Variants in SLC22A23 observed in about 807,000 individuals in gnomAD.
SLC22A23 encodes solute carrier family 22 member 23.
In SLC22A23, 26 loss-of-function variants were observed where a neutral mutation model predicts 61.0. The ratio of observed to expected loss-of-function variants is 0.43; its 90% CI spans 0.31 to 0.59. SLC22A23 has a LOEUF of 0.59. SLC22A23 is among the 20% of genes least tolerant of loss of function. The pLI is 0.11. For missense variants in SLC22A23, 796 were observed against 934.7 expected, an observed-to-expected ratio of 0.85 and a Z score of 1.94; for synonymous variants, 430 against 413.9, an observed-to-expected ratio of 1.04 and a Z score of -0.47.
intron 3 of SLC22A23, among the ~76,000 whole-genome samples, chr6:3,354,099 G>C (rs1049926218): frequency 6.6e-6 from 1 of 152,188 alleles, no homozygotes; most frequent in African/African-American, 2.4e-5. Flanking sequence ...TGGAAATTTC[G>C]ATGGTGATCA....
intron 3 of SLC22A23, among the ~76,000 whole-genome samples, chr6:3,403,346 G>A (rs1249648855): frequency 6.6e-6 from 1 of 151,258 alleles, no homozygotes; most frequent in South Asian, 2.1e-4. Flanking sequence ...GTCTGTCCAG[G>A]TGTGGAAAAA....
chr6:3,404,150 T>A (rs921240324), intron 3 of SLC22A23, among the ~76,000 whole-genome samples: 1 of 152,236 alleles, frequency 6.6e-6, no homozygotes, highest in African/African-American at 2.4e-5. Context: ...ATCCAAATAC[T>A]CTAATTTTAA....
rs189684210 is a variant in SLC22A23, at chr6:3,430,252, C to T, written c.655-14397G>A. 2.1e-3 allele frequency among the ~76,000 whole-genome samples: 313 copies of T among 152,224 alleles called. 4 individuals are homozygous for T. Among genetic ancestry groups the T allele is most frequent in the African/African-American group, 6.1e-3 (252 of 41,536 alleles). On this transcript the variant is annotated intron_variant, in intron 1 of 9. Transcript: ENST00000406686. ...GTGCAGGCCTCTCTATCTGACATCT[C>T]GTCTCCGCTGGCAGTGAGACGTCCT...
At chr6:3,375,797 G>C (rs535841568) in intron 3 of SLC22A23, among the ~76,000 whole-genome samples, 1 of 152,162 alleles carries the variant, frequency 6.6e-6, no homozygotes, top group Non-Finnish European at 1.5e-5. Context: ...TGGTTTAATG[G>C]AGCAGAATGA....
chr6:3,398,475 T>A (rs1768162865), intron 3 of SLC22A23, among the ~76,000 whole-genome samples: 1 of 149,000 alleles, frequency 6.7e-6, no homozygotes, highest in South Asian at 2.1e-4. Context: ...TTTTTTTTTT[T>A]ACAAGAATCA....
intron 1 of SLC22A23, among the ~76,000 whole-genome samples, chr6:3,423,164 T>G (rs1426585983): frequency 6.6e-6 from 1 of 152,216 alleles, no homozygotes; most frequent in African/African-American, 2.4e-5. Context: ...TTCCTGGTTC[T>G]CACTGAATTT....
At chr6:3,337,072 T>C (rs1057455159) in intron 3 of SLC22A23, among the ~76,000 whole-genome samples, 3 of 152,140 alleles carry the variant, frequency 2.0e-5, no homozygotes. Context: ...CCTCCCAAAG[T>C]GCTGGAATTA....
chr6:3,394,481 T>C (rs957616827), intron 3 of SLC22A23, among the ~76,000 whole-genome samples: 2 of 152,208 alleles, frequency 1.3e-5, no homozygotes, highest in Non-Finnish European at 2.9e-5. Context: ...ATGGGAAATA[T>C]AGATTTGAGT....
In SLC22A23 at chr6:3,456,137, G is replaced by A; in HGVS notation, c.423C>T (p.Thr141=). The A allele has an allele frequency of 6.4e-7, 1 of 1,551,190 alleles. No individual in the cohort carries two copies. The highest frequency in any genetic ancestry group is 8.7e-7 in the Non-Finnish European group (1 of 1,146,852). The change falls in exon 1 of 10, where the codon ACC becomes ACT. Residue 141 remains threonine, a synonymous_variant. Transcript: ENST00000406686. The surrounding 1 kb of genome is among the most constrained non-coding windows in gnomAD (Gnocchi z 7.1). ...CCATGTCCCCGCCCCGGCCTGTGGT[G>A]GTGACCCCTGCCAGCTCGGTGCCTT... is the stretch of plus-strand genomic sequence containing the variant. ...AGKGTELAGV[T]TTGRGGDMGN...
At chr6:3,399,372 A>T (rs1406964364) in intron 3 of SLC22A23, among the ~76,000 whole-genome samples, 1 of 152,212 alleles carries the variant, frequency 6.6e-6, no homozygotes, top group Non-Finnish European at 1.5e-5. Flanking sequence ...CCATTTGAAA[A>T]TACAATAAAA....
intron 1 of SLC22A23, among the ~76,000 whole-genome samples, chr6:3,450,930 T>C (rs1304657670): frequency 6.6e-6 from 1 of 152,228 alleles, no homozygotes; most frequent in Non-Finnish European, 1.5e-5. Flanking sequence ...TTCTACTCTT[T>C]AGCCCTAGAA....
intron 1 of SLC22A23, among the ~76,000 whole-genome samples, chr6:3,423,880 C>T (rs1770307772): frequency 6.6e-6 from 1 of 152,154 alleles, no homozygotes; most frequent in African/African-American, 2.4e-5. Flanking sequence ...TGGGGAACTT[C>T]TGCTGGGAGC....
chr6:3,274,446 G>T (rs1758712132), intron 9 of SLC22A23, among the ~76,000 whole-genome samples: 1 of 152,188 alleles, frequency 6.6e-6, no homozygotes, highest in African/African-American at 2.4e-5. Flanking sequence ...CTGGTCCTTT[G>T]GTTTGGGGAA....
At chr6:3,315,993 C>T (rs1762619085) in intron 4 of SLC22A23, among the ~76,000 whole-genome samples, 1 of 152,202 alleles carries the variant, frequency 6.6e-6, no homozygotes, top group Admixed American at 6.5e-5. Flanking sequence ...TCCCAAACAG[C>T]AGGGCTCAGC....
chr6:3,424,061 T>C (rs1284734064), intron 1 of SLC22A23, among the ~76,000 whole-genome samples: 1 of 152,002 alleles, frequency 6.6e-6, no homozygotes, highest in Non-Finnish European at 1.5e-5. Flanking sequence ...TACATTCCCT[T>C]TATGGCTGGA....
In SLC22A23 at chr6:3,324,190, G is replaced by A; in HGVS notation, c.914-188C>T. 1.6e-6 allele frequency: 1 copy of A among 642,444 alleles called. No homozygotes were observed. The highest frequency in any genetic ancestry group is 2.7e-6 in the Non-Finnish European group (1 of 376,196). The allele number at this position is 642,444 out of a possible 1,614,324, so 39.8% of individuals were successfully genotyped here. A position where few individuals can be genotyped will look rare whatever the true frequency, so the allele number is the denominator to read the frequency against. ...GGCGCGTTGAGGCTCCAACTGGGAA[G>A]GGAAGTGAGACGGTTGTTCAAGGCC... is the stretch of plus-strand genomic sequence containing the variant. On this transcript the variant is annotated intron_variant, in intron 3 of 9. Coordinates refer to ENST00000406686, the MANE Select transcript of SLC22A23 (RefSeq NM_015482.2). This position sits in a 1 kb window ranked among gnomAD's most constrained non-coding sequence, Gnocchi z 4.3.
Position 3,440,900 on chromosome 6 carries a change from C to T in SLC22A23, c.654+15006G>A, listed in dbSNP as rs1368453412. On this transcript the variant is annotated intron_variant, in intron 1 of 9. Transcript: ENST00000406686. ...ATACATCTCTGCAGTTGAAGCTGCC[C>T]GTCTGTGGTATTCTGCAGCCCTAGA... Among the ~76,000 whole-genome samples, 8 of 152,260 alleles carry T rather than the reference C, an allele frequency of 5.3e-5. No homozygotes were observed. In the South Asian group the frequency reaches 8.3e-4, roughly 16 times the overall value.
At chr6:3,452,545 G>C (rs1278396175) in intron 1 of SLC22A23, among the ~76,000 whole-genome samples, 1 of 145,440 alleles carries the variant, frequency 6.9e-6, no homozygotes, top group Non-Finnish European at 1.5e-5. Context: ...GCTTCAGAGA[G>C]CTGTGATATC....
intron 1 of SLC22A23, among the ~76,000 whole-genome samples, chr6:3,416,163 G>A (rs1304976226): frequency 6.6e-6 from 1 of 152,244 alleles, no homozygotes; most frequent in Non-Finnish European, 1.5e-5. Context: ...AGGCAGAGGT[G>A]GGCAGCCACG....
Sources: allele counts gnomAD v4.1 joint callset (sites outside exome capture counted in the v4.1 genomes callset), GRCh38; gene constraint gnomAD v4.1.1; non-coding constraint Gnocchi (gnomAD v3.1); transcripts MANE v1.5; gene names NCBI Gene and HGNC (gene_info 2026-07-23, HGNC 2026-07-21).